The following IPO4 variants were observed in gnomAD, a reference collection of about 807,000 sequenced individuals.
IPO4 encodes the protein importin 4, also known as importin-4.
A neutral mutation model predicts 133.5 loss-of-function variants in IPO4; 91 were observed. That is an observed-to-expected ratio of 0.68 (90% CI 0.58 to 0.81). The LOEUF is 0.81. Ranked by LOEUF, IPO4 falls within the 30% of genes least tolerant of loss-of-function variation. The pLI, the probability that IPO4 is intolerant of heterozygous loss-of-function variation, is 0.00. For synonymous variants in IPO4, 607 were observed against 581.6 expected (o/e 1.04, Z -0.63); for missense variants, 1,279 against 1,386.2 (o/e 0.92, Z 1.23).
rs116429004 is a variant in IPO4 at position 24,187,608 on chromosome 14, A to G, written c.409-29T>C. 787 of 1,614,026 alleles carry G rather than the reference A, an allele frequency of 4.9e-4. 1 individual carries two copies. The African/African-American group carries it at 9.1e-3, about 19-fold the overall frequency. On this transcript the variant is annotated intron_variant, in intron 5 of 29. Coordinates refer to ENST00000354464, the MANE Select transcript of IPO4 (RefSeq NM_024658.4). Reference sequence around the variant, plus strand: ...TCCAAGAATAGAGGATGGGAGAGCAAGCTTACAAGGTCTATCCAGCCTCTC... The same window carrying G: ...TCCAAGAATAGAGGATGGGAGAGCAGGCTTACAAGGTCTATCCAGCCTCTC...
In IPO4 at chr14:24,185,796, G is replaced by A. The variant is rs917906161; in HGVS notation, c.1169+65C>T. On this transcript the variant is annotated intron_variant, in intron 12 of 29. Coordinates refer to ENST00000354464, the MANE Select transcript of IPO4 (RefSeq NM_024658.4). Reference sequence around the variant, plus strand: ...TGATAAATAAGCTTGAACAACAAGCGTAAACCAGGACAGCCATGGTCCTCC... The same window carrying A: ...TGATAAATAAGCTTGAACAACAAGCATAAACCAGGACAGCCATGGTCCTCC... 19 of 1,263,078 alleles carry A rather than the reference G, an allele frequency of 1.5e-5. No individual in the cohort carries two copies. In the Admixed American group the frequency reaches 1.5e-4, roughly 10 times the overall value. The allele number at this position is 1,263,078 out of a possible 1,614,324, so 78.2% of individuals were successfully genotyped here. A position where few individuals can be genotyped will look rare whatever the true frequency, so the allele number is the denominator to read the frequency against.
At chr14:24,182,770 C>G in intron 24 of IPO4, 22 bp downstream of exon 24, 1 of 1,613,960 alleles carries the variant, frequency 6.2e-7, no homozygotes, top group East Asian at 2.2e-5. Context: ...GCCTGGTCCC[C>G]GTTTTTATCC....
In IPO4 at chr14:24,181,489, GAGGGCTGCCAGCAGCAAGGTTACCTGGTC is replaced by G; in HGVS notation, c.3040_3045+23del. 6.5e-7 allele frequency: 1 copy of G among 1,545,014 alleles called. No homozygotes were observed. Among genetic ancestry groups the G allele is most frequent in the Non-Finnish European group, 8.8e-7 (1 of 1,140,564 alleles). ...TGAGTGGAGCGGCACGTTCCCCTCTGAGGGCTGCCAGCAGCAAGGTTACCTGGTCAGGGCTGCTCTGGTACAGGAAGCTG... is the reference window on the plus strand; with the variant it reads ...TGAGTGGAGCGGCACGTTCCCCTCTGAGGGCTGCTCTGGTACAGGAAGCTG... On this transcript the variant is annotated splice_donor_variant and splice_donor_5th_base_variant and coding_sequence_variant and intron_variant, in exon 28 of 30. Transcript: ENST00000354464. LOFTEE classifies it high-confidence loss of function.
At chr14:24,184,789 A>C in intron 15 of IPO4, 26 bp from the exon 16 acceptor site, 1 of 1,607,160 alleles carries the variant, frequency 6.2e-7, no homozygotes, top group Non-Finnish European at 8.5e-7. Flanking sequence ...ACAGAATCAG[A>C]GCTGGAGAGG....
chr14:24,184,983 G>A lies in IPO4; in HGVS notation c.1409-3C>T, dbSNP rs779541873. On this transcript the variant is annotated splice_region_variant and splice_polypyrimidine_tract_variant and intron_variant, in intron 14 of 29. Coordinates refer to ENST00000354464, the MANE Select transcript of IPO4 (RefSeq NM_024658.4). ...AAGGTAGGGCTGCACCTTGGGCCCT[G>A]TGGGAAAGGATGCTCCTCTACCAAC... is the stretch of plus-strand genomic sequence containing the variant. 1.2e-6 allele frequency: 2 copies of A among 1,612,878 alleles called. No homozygotes were observed. The highest frequency in any genetic ancestry group is 4.5e-5 in the East Asian group (2 of 44,868).
In IPO4 at chr14:24,185,910, G is replaced by A. The variant is rs779905465; in HGVS notation, c.1120C>T (p.Leu374=). Residue 374 remains leucine (L), a synonymous_variant, in exon 12 of 30, where the codon CTG becomes TTG. Coordinates refer to ENST00000354464, the MANE Select transcript of IPO4 (RefSeq NM_024658.4). Reference sequence around the variant, plus strand: ...CCGTCAGACAGCACGGCCAGCACCAGGAGTCCAGCTTTGCGCTGGTATGGG... The same window carrying A: ...CCGTCAGACAGCACGGCCAGCACCAAGAGTCCAGCTTTGCGCTGGTATGGG... The part of the protein sequence containing the change: ...ESPYQRKAGL[L]VLAVLSDGAG... 10 of 1,613,948 alleles carry A rather than the reference G, an allele frequency of 6.2e-6. No individual in the cohort carries two copies. The East Asian group carries it at 2.2e-4, about 36-fold the overall frequency.
intron 28 of IPO4, among the ~76,000 whole-genome samples, chr14:24,180,977 T>C (rs1041985764): frequency 3.9e-5 from 6 of 152,056 alleles, no homozygotes; most frequent in African/African-American, 1.4e-4. Flanking sequence ...ACAAGATGAT[T>C]AAAGTCATAG....
rs763719927 is a variant in IPO4 at position 24,188,699 on chromosome 14, C to G, written c.69+20G>C. The G allele has an allele frequency of 6.3e-7, 1 of 1,597,164 alleles. No homozygotes were observed. The highest frequency in any genetic ancestry group is 1.1e-5 in the South Asian group (1 of 89,054). On this transcript the variant is annotated intron_variant, in intron 1 of 29. Transcript: ENST00000354464. ...CCGCAACCTCCCGCTCGCCCTGGCC[C>G]GGTTACGCCTGCTCCGTACCCGACG... is the stretch of plus-strand genomic sequence containing the variant.
At position 24,184,452 on chromosome 14, in the gene IPO4, G is replaced by A. The variant is rs372821324; in HGVS notation, c.1637-34C>T. ...GCAAGGGCTCCATTAGCACCAGGAG[G>A]TGGAGGTGGGCTACGGGACCAAAGG... On this transcript the variant is annotated intron_variant, in intron 16 of 29. Transcript: ENST00000354464. The A allele has an allele frequency of 9.1e-4, 1,443 of 1,593,002 alleles. 1 individual carries two copies. Among genetic ancestry groups the A allele is most frequent in the Non-Finnish European group, 1.2e-3 (1,376 of 1,168,686 alleles).
At chr14:24,184,267 A>C in intron 17 of IPO4, 31 bp downstream of exon 17, 1 of 1,575,912 alleles carries the variant, frequency 6.3e-7, no homozygotes, top group African/African-American at 1.3e-5. Flanking sequence ...GGGAGGGGAC[A>C]AGGGCAGAGG....
chr14:24,185,916 C>A lies in IPO4; in HGVS notation c.1114G>T (p.Gly372Ter). 1 of 1,614,092 alleles carries A rather than the reference C, an allele frequency of 6.2e-7. No homozygotes were observed. The highest frequency in any genetic ancestry group is 8.5e-7 in the Non-Finnish European group (1 of 1,180,032). The change falls in exon 12 of 30, where the codon GGA (glycine) becomes TGA (stop). Residue 372 changes from glycine (G) to a stop codon, truncating the protein, a stop_gained. Transcript: ENST00000354464. LOFTEE classifies it high-confidence loss of function. The stretch of plus-strand genomic sequence containing the variant: ...GACAGCACGGCCAGCACCAGGAGTC[C>A]AGCTTTGCGCTGGTATGGGCTCTCG... ...RSESPYQRKA[G>*]LLVLAVLSDG...
Position 24,188,421 on chromosome 14 carries a change from G to C in IPO4, c.159C>G (p.Ile53Met). Residue 53 changes from isoleucine (I) to methionine (M), a missense_variant and splice_region_variant, in exon 3 of 30, where the codon ATC (isoleucine) becomes ATG (methionine). Around this residue, in one of 3 missense-constraint regions of IPO4, gnomAD observed 695 missense variants for 704.1 expected, o/e 0.99. Coordinates refer to ENST00000354464, the MANE Select transcript of IPO4 (RefSeq NM_024658.4). ...DLLASAADPQ[I>M]RQFAAVLTRR... is the part of the protein sequence containing the mutation. ...GGGTCAGCACGGCCGCAAACTGGCG[G>C]ATCTAGGACGAGGAAGCAAGCACGT... 6.2e-7 allele frequency: 1 copy of C among 1,611,100 alleles called. No homozygotes were observed. Among genetic ancestry groups the C allele is most frequent in the Admixed American group, 1.7e-5 (1 of 60,010 alleles).
Position 24,182,808 on chromosome 14 carries a change from T to A in IPO4, c.2456A>T (p.Glu819Val), listed in dbSNP as rs1301353259. 6.2e-7 allele frequency: 1 copy of A among 1,614,164 alleles called. No individual in the cohort carries two copies. Among genetic ancestry groups the A allele is most frequent in the Non-Finnish European group, 8.5e-7 (1 of 1,180,002 alleles). ...ACQDTDEEEE[E>V]EDDDQAEYDA... Reference sequence around the variant, plus strand: ...GGCTCTCACCTGATCATCATCTTCCTCTTCCTCCTCCTCGTCAGTATCCTG... The same window carrying A: ...GGCTCTCACCTGATCATCATCTTCCACTTCCTCCTCCTCGTCAGTATCCTG... Residue 819 changes from glutamate (E) to valine (V), a missense_variant, in exon 24 of 30, where the codon GAG becomes GTG. Glu to Val is a moderately radical substitution (Grantham distance 121). Coordinates refer to ENST00000354464, the MANE Select transcript of IPO4 (RefSeq NM_024658.4).
Position 24,185,505 on chromosome 14 carries a change from C to T in IPO4, c.1232G>A (p.Arg411His), listed in dbSNP as rs371058988. Residue 411 changes from arginine (R) to histidine (H), a missense_variant, in exon 13 of 30, where the codon CGC becomes CAC. Arg to His is a conservative substitution (Grantham distance 29, BLOSUM62 0). Transcript: ENST00000354464. ...KGLEDPSQVV[R>H]NAALFALGQF... ...GCCCAGGGCAAACAGCGCAGCATTG[C>T]GTACAACTTGCGAGGGGTCCTCCAG... is the stretch of plus-strand genomic sequence containing the variant. 3.7e-5 allele frequency: 60 copies of T among 1,614,212 alleles called. No individual in the cohort carries two copies. The Middle Eastern group carries it at 6.6e-4, about 18-fold the overall frequency.
At chr14:24,185,384 A>C (rs4982867) in intron 13 of IPO4, 72 bp from the exon 14 acceptor site, 90,255 of 1,611,968 alleles carry the variant, frequency 0.056, 4,849 homozygotes, top group East Asian at 0.36. Flanking sequence ...TGATGGCAGC[A>C]GGGATGCTTG....
At position 24,186,892 on chromosome 14, in the gene IPO4, TG is replaced by T. The variant is rs745346446; in HGVS notation, c.741del (p.Thr248HisfsTer6). The T allele has an allele frequency of 4.3e-6, 7 of 1,613,944 alleles. No individual in the cohort carries two copies. The highest frequency in any genetic ancestry group is 5.1e-6 in the Non-Finnish European group (6 of 1,179,928). On this transcript the variant is annotated frameshift_variant, in exon 8 of 30. Transcript: ENST00000354464. LOFTEE classifies it high-confidence loss of function. ...PVITPYLSEV[L>X]TFCLEVARNV... ...TCCAGGCTCACCTCCAGGCAGAATGTGAGGACTTCAGAGAGGTAGGGGGTGA... is the reference window on the plus strand; with the variant it reads ...TCCAGGCTCACCTCCAGGCAGAATGTAGGACTTCAGAGAGGTAGGGGGTGA...
In IPO4 at chr14:24,180,729, A is replaced by T; in HGVS notation, c.3075T>A (p.Arg1025=). 1 of 1,614,090 alleles carries T rather than the reference A, an allele frequency of 6.2e-7. No homozygotes were observed. Among genetic ancestry groups the T allele is most frequent in the Non-Finnish European group, 8.5e-7 (1 of 1,180,020 alleles). ...QVIDVAPELL[R]ICSLILADNK... is the part of the protein sequence containing the mutation. ...TGTCAGCCAGAATGAGGCTGCAGAT[A>T]CGCAGAAGCTCGGGAGCCACATCTA... The change falls in exon 29 of 30, where the codon CGT becomes CGA. Residue 1025 remains arginine, a synonymous_variant. Coordinates refer to ENST00000354464, the MANE Select transcript of IPO4 (RefSeq NM_024658.4).
Position 24,183,884 on chromosome 14 carries a change from C to T in IPO4, c.1884G>A (p.Gly628=), listed in dbSNP as rs1594439537. 3 of 1,613,926 alleles carry T rather than the reference C, an allele frequency of 1.9e-6. No homozygotes were observed. In the Admixed American group the frequency reaches 5.0e-5, roughly 27 times the overall value. Residue 628 remains glycine, a synonymous_variant, in exon 19 of 30, where the codon GGG becomes GGA. Coordinates refer to ENST00000354464, the MANE Select transcript of IPO4 (RefSeq NM_024658.4). ...CGTCAAACAGAAGGAAGGAGCTGCTCCCGTCATACTGAGGCTGGAGCGGAG... is the reference window on the plus strand; with the variant it reads ...CGTCAAACAGAAGGAAGGAGCTGCTTCCGTCATACTGAGGCTGGAGCGGAG... ...STEGIVPQYD[G]SSSFLLFDDE...
In IPO4 at chr14:24,188,743, T is replaced by A. The variant is rs1351502318; in HGVS notation, c.45A>T (p.Leu15=). ...CCCGACGGATGCGCTCGGTGTCCGG[T>A]AGCAGCAGCTCCCGTAGGAGCTGCT... ...GLEQLLRELL[L]PDTERIRRAT... Residue 15 remains leucine (L), a synonymous_variant, in exon 1 of 30, where the codon CTA becomes CTT. Coordinates refer to ENST00000354464, the MANE Select transcript of IPO4 (RefSeq NM_024658.4). 2 of 1,547,742 alleles carry A rather than the reference T, an allele frequency of 1.3e-6. No homozygotes were observed. The highest frequency in any genetic ancestry group is 1.7e-6 in the Non-Finnish European group (2 of 1,145,800).
Sources: allele counts gnomAD v4.1 joint callset (sites outside exome capture counted in the v4.1 genomes callset), GRCh38; gene constraint gnomAD v4.1.1; regional missense constraint gnomAD v4.1.1; transcripts MANE v1.5; gene names NCBI Gene and HGNC (gene_info 2026-07-23, HGNC 2026-07-21).